NPAS2: variants seen among roughly 807,000 people sequenced by gnomAD.
The protein encoded by NPAS2 is neuronal PAS domain-containing protein 2.
A neutral mutation model predicts 107.5 loss-of-function variants in NPAS2; 23 were observed. The ratio of observed to expected loss-of-function variants is 0.21; its 90% CI spans 0.15 to 0.30. NPAS2 has a LOEUF of 0.30. Ranked by LOEUF, NPAS2 falls within the 10% of genes least tolerant of loss-of-function variation. The pLI, the probability that NPAS2 is intolerant of heterozygous loss-of-function variation, is 1.00. For missense variants in NPAS2, 756 were observed against 1,043.3 expected (o/e 0.72, Z 3.79); for synonymous variants, 403 against 417.5 (o/e 0.97, Z 0.42).
intron 6 of NPAS2, 133 bp from the exon 7 acceptor site, chr2:100,949,234 A>G: frequency 1.5e-6 from 1 of 656,124 alleles, no homozygotes; most frequent in South Asian, 1.7e-5. Context: ...CCCAAAAGTC[A>G]GTCGTAGTGA....
At position 100,976,212 on chromosome 2, in the gene NPAS2, T is replaced by C. The variant is rs747543552; in HGVS notation, c.1392+645T>C. On this transcript the variant is annotated intron_variant, in intron 14 of 20. Transcript: ENST00000335681. This position sits in a 1 kb window ranked among gnomAD's most constrained non-coding sequence, Gnocchi z 4.1. ...TCGGGGATCTCGTGGGCCTAGGCTA[T>C]GGAATGCACCCACCAGATGGTGTCT... is the stretch of plus-strand genomic sequence containing the variant. Among the ~76,000 whole-genome samples the C allele has an allele frequency of 6.6e-6, 1 of 151,858 alleles. No individual in the cohort carries two copies. The highest frequency in any genetic ancestry group is 1.5e-5 in the Non-Finnish European group (1 of 67,970).
chr2:100,825,248 C>T (rs72816907), intron 1 of NPAS2, among the ~76,000 whole-genome samples: 1 of 151,676 alleles, frequency 6.6e-6, no homozygotes, highest in Admixed American at 6.6e-5. Flanking sequence ...ATATTTGTGC[C>T]CCTTGGTGAT....
At chr2:100,940,009 G>A (rs553276927) in intron 5 of NPAS2, among the ~76,000 whole-genome samples, 1 of 152,282 alleles carries the variant, frequency 6.6e-6, no homozygotes, top group Non-Finnish European at 1.5e-5. Context: ...TGGTGCAGGT[G>A]AGCCTGGGCC....
At position 100,995,993 on chromosome 2, in the gene NPAS2, A is replaced by G; in HGVS notation, c.*411A>G. Reference sequence around the variant, plus strand: ...GATCGTCTTTCCTTTGTATTGGAGAAGGACTGGGTCAGAGATCTGTTGGAG... The same window carrying G: ...GATCGTCTTTCCTTTGTATTGGAGAGGGACTGGGTCAGAGATCTGTTGGAG... On this transcript the variant is annotated 3_prime_UTR_variant, in exon 21 of 21. Transcript: ENST00000335681. 8.0e-7 allele frequency: 1 copy of G among 1,257,286 alleles called. No homozygotes were observed. The highest frequency in any genetic ancestry group is 1.5e-5 in the African/African-American group (1 of 65,250). The allele number at this position is 1,257,286 out of a possible 1,614,324, so 77.9% of individuals were successfully genotyped here. A position where few individuals can be genotyped will look rare whatever the true frequency, so the allele number is the denominator to read the frequency against.
Position 100,820,883 on chromosome 2 carries a change from C to T in NPAS2, c.-23+469C>T, listed in dbSNP as rs1676030007. 2.3e-6 allele frequency: 1 copy of T among 436,462 alleles called. No individual in the cohort carries two copies. The highest frequency in any genetic ancestry group is 2.1e-5 in the South Asian group (1 of 47,560). 27.0% of individuals were successfully genotyped at this position (436,462 alleles called of 1,614,324 possible). On this transcript the variant is annotated intron_variant, in intron 1 of 20. Coordinates refer to ENST00000335681, the MANE Select transcript of NPAS2 (RefSeq NM_002518.4). The surrounding 1 kb of genome is among the most constrained non-coding windows in gnomAD (Gnocchi z 5.6). ...TGCGCGCCCTGGGCCCGCGGTCTCT[C>T]GGAGTCCCTGGGTCGGAATTGGTTC...
At chr2:100,830,520 G>A (rs1175586041) in intron 1 of NPAS2, among the ~76,000 whole-genome samples, 1 of 146,042 alleles carries the variant, frequency 6.8e-6, no homozygotes, top group Non-Finnish European at 1.5e-5. Context: ...CCTGCCCTGT[G>A]TCCCAAGTGT....
intron 7 of NPAS2, chr2:100,962,746 C>G (rs1182534489): frequency 1.3e-5 from 2 of 152,228 alleles, no homozygotes; most frequent in Non-Finnish European, 2.9e-5. Context: ...AACTTTTTCT[C>G]TGGCCCAGAA....
chr2:100,899,148 A>G (rs191130602), intron 1 of NPAS2, among the ~76,000 whole-genome samples: 1 of 151,894 alleles, frequency 6.6e-6, no homozygotes, highest in East Asian at 1.9e-4. Flanking sequence ...TCCTGGATAG[A>G]GTGCTAGAGT....
intron 1 of NPAS2, among the ~76,000 whole-genome samples, chr2:100,838,036 C>T (rs1026504766): frequency 6.6e-6 from 1 of 152,198 alleles, no homozygotes; most frequent in Non-Finnish European, 1.5e-5. Flanking sequence ...ACCTCATTCT[C>T]TGCAGCACCC....
At chr2:100,877,886 C>G (rs1680085586) in intron 1 of NPAS2, 3 of 811,480 alleles carry the variant, frequency 3.7e-6, no homozygotes, top group Non-Finnish European at 4.5e-6. Flanking sequence ...AGGACCTTCT[C>G]TTGTACAATA....
chr2:100,943,750 C>T lies in NPAS2; in HGVS notation c.364-4485C>T, dbSNP rs551263631. 1.7e-4 allele frequency among the ~76,000 whole-genome samples: 26 copies of T among 152,320 alleles called. No homozygotes were observed. The East Asian group carries it at 4.8e-3, about 28-fold the overall frequency. Reference sequence around the variant, plus strand: ...ACTCAGGGATGAGCAGAAACTGTACCTGTCCCCATGATAAGAGATGGGGGC... The same window carrying T: ...ACTCAGGGATGAGCAGAAACTGTACTTGTCCCCATGATAAGAGATGGGGGC... On this transcript the variant is annotated intron_variant, in intron 5 of 20. Coordinates refer to ENST00000335681, the MANE Select transcript of NPAS2 (RefSeq NM_002518.4).
chr2:100,830,070 C>T (rs748262026), intron 1 of NPAS2, among the ~76,000 whole-genome samples: 7 of 152,182 alleles, frequency 4.6e-5, no homozygotes, highest in South Asian at 2.1e-4. Flanking sequence ...TTCCTGGGGA[C>T]ATCATGAGGC....
At chr2:100,975,024 A>G in intron 13 of NPAS2, 80 bp downstream of exon 13, 2 of 1,510,230 alleles carry the variant, frequency 1.3e-6, no homozygotes, top group Admixed American at 1.9e-5. Context: ...CCCGGGCCCA[A>G]GTGGAATCAG....
rs183110029 is a variant in NPAS2, at chr2:100,840,626, C to T, written c.-23+20212C>T. 3.4e-3 allele frequency among the ~76,000 whole-genome samples: 511 copies of T among 152,014 alleles called. 11 individuals carry two copies. The highest frequency in any genetic ancestry group is 9.7e-4 in the Non-Finnish European group (66 of 67,994). ...CCATTTTTTTTTTTAATCTTAACCC[C>T]CACAGCAACCTGATGTTCCTGAGGC... On this transcript the variant is annotated intron_variant, in intron 1 of 20. Transcript: ENST00000335681.
At chr2:100,852,229 T>C (rs1678235113) in intron 1 of NPAS2, among the ~76,000 whole-genome samples, 1 of 151,692 alleles carries the variant, frequency 6.6e-6, no homozygotes, top group Non-Finnish European at 1.5e-5. Flanking sequence ...ACCCCGTCTC[T>C]CCTAAAAAAT....
chr2:100,989,614 CCTCA>C lies in NPAS2; in HGVS notation c.1828-637_1828-634del, dbSNP rs535153280. On this transcript the variant is annotated intron_variant, in intron 17 of 20. Transcript: ENST00000335681. ...ACCCAAAGCAGGTGCAAGCCCACTT[CCTCA>C]CTCATTTATTATTTCACTCAGCTCC... 2.0e-5 allele frequency: 3 copies of C among 152,402 alleles called. No individual in the cohort carries two copies. In the South Asian group the frequency reaches 6.2e-4, roughly 32 times the overall value. 9.4% of individuals were successfully genotyped at this position (152,402 alleles called of 1,614,324 possible). A position where few individuals can be genotyped will look rare whatever the true frequency, so the allele number is the denominator to read the frequency against.
chr2:100,842,081 G>GCGCACACACACACACACACA, intron 1 of NPAS2, among the ~76,000 whole-genome samples: 1 of 148,792 alleles, frequency 6.7e-6, no homozygotes, highest in Non-Finnish European at 1.5e-5. Flanking sequence ...GCATGTACGC[G>GCGCACACACACACACACACA]CACACACACA....
chr2:100,949,317 G>A (rs1573696989), intron 6 of NPAS2, 50 bp from the exon 7 acceptor site: 1 of 1,034,802 alleles, frequency 9.7e-7, no homozygotes, highest in South Asian at 1.3e-5. Flanking sequence ...TTTAGAGTCT[G>A]TGCAATGCTC....
At chr2:100,916,037 A>C (rs986123287) in intron 2 of NPAS2, among the ~76,000 whole-genome samples, 2 of 152,226 alleles carry the variant, frequency 1.3e-5, no homozygotes, top group Non-Finnish European at 2.9e-5. Context: ...GACTTTGAAA[A>C]GACAAGTTTG....
Sources: gnomAD v4.1 joint callset for allele counts (sites outside exome capture counted in the v4.1 genomes callset) on GRCh38, gnomAD v4.1.1 for gene constraint, Gnocchi (gnomAD v3.1) non-coding constraint, MANE v1.5 for transcripts, NCBI Gene and HGNC (gene_info 2026-07-23, HGNC 2026-07-21) for gene names.